The following ADAM22 variants were observed in gnomAD, a reference collection of about 807,000 sequenced individuals.
ADAM22 encodes the protein ADAM metallopeptidase domain 22.
In ADAM22, 65 loss-of-function variants were observed where a neutral mutation model predicts 144.6. The observed-to-expected ratio is 0.45, with a 90% CI of 0.37 to 0.55. The LOEUF (loss-of-function observed/expected upper bound fraction) is 0.55, where lower values mean the gene tolerates loss of function less well. Among genes scored for constraint, ADAM22 ranks in the 20% least tolerant of loss-of-function variants. The pLI is 0.00. For missense variants in ADAM22, 974 were observed against 1,184.9 expected, an observed-to-expected ratio of 0.82 and a Z score of 2.61; for synonymous variants, 391 against 412.6, an observed-to-expected ratio of 0.95 and a Z score of 0.63.
intron 7 of ADAM22, among the ~76,000 whole-genome samples, chr7:88,119,051 A>G (rs1828567078): frequency 6.6e-6 from 1 of 152,250 alleles, no homozygotes; most frequent in South Asian, 2.1e-4. Context: ...CCAGCGATAG[A>G]CATAGGATCA....
chr7:88,133,810 GA>G (rs1832389688), intron 12 of ADAM22, among the ~76,000 whole-genome samples: 1 of 152,152 alleles, frequency 6.6e-6, no homozygotes, highest in Non-Finnish European at 1.5e-5. Context: ...GCTGCAAATT[GA>G]AAAAGATATC....
chr7:88,114,627 G>A lies in ADAM22; in HGVS notation c.517G>A (p.Glu173Lys). 1.2e-6 allele frequency: 2 copies of A among 1,613,942 alleles called. No individual in the cohort carries two copies. Among genetic ancestry groups the A allele is most frequent in the Non-Finnish European group, 8.5e-7 (1 of 1,179,874 alleles). The change falls in exon 6 of 32, where the codon GAA becomes AAA. Residue 173 changes from glutamate to lysine, a missense_variant. Physicochemically the swap from Glu to Lys is moderately conservative, Grantham distance 56. Around this residue, in one of 2 missense-constraint regions of ADAM22, gnomAD observed 240 missense variants for 234.3 expected, o/e 1.02. Transcript: ENST00000413139. ...GAACCACACATATCTCATTGAGCCA[G>A]AAGAAAATGACACTACTCAAGTAAG... ...DGNHTYLIEPEENDTTQEDFH... is the reference protein window; with the variant it reads ...DGNHTYLIEPKENDTTQEDFH...
chr7:88,125,545 T>A (rs538966063), intron 7 of ADAM22, 44 bp from the exon 8 acceptor site: 1 of 1,450,912 alleles, frequency 6.9e-7, no homozygotes, highest in African/African-American at 1.4e-5. Context: ...ATTGAAGAAA[T>A]CTGACAAATG....
rs1826858985 is a variant in ADAM22 at position 88,113,708 on chromosome 7, ATATATATATATATATATAT to A, written c.474-875_474-857del. The stretch of plus-strand genomic sequence containing the variant: ...ATATTATAAATAAATAAATAAATAT[ATATATATATATATATATAT>A]ATATATATATATAGTAAGTCCTAGA... On this transcript the variant is annotated intron_variant, in intron 5 of 31. Transcript: ENST00000413139. 1.4e-3 allele frequency among the ~76,000 whole-genome samples: 130 copies of A among 93,730 alleles called. 7 individuals are homozygous for A. Among genetic ancestry groups the A allele is most frequent in the African/African-American group, 5.7e-3 (123 of 21,740 alleles). 61.5% of individuals were successfully genotyped at this position (93,730 alleles called of 152,430 possible).
At chr7:88,035,274 A>C (rs1170168600) in intron 3 of ADAM22, among the ~76,000 whole-genome samples, 1 of 152,240 alleles carries the variant, frequency 6.6e-6, no homozygotes. Flanking sequence ...TTCACTTATT[A>C]ATATATACAA....
intron 6 of ADAM22, 65 bp from the exon 7 acceptor site, chr7:88,116,680 G>A: frequency 2.9e-6 from 4 of 1,360,934 alleles, no homozygotes; most frequent in Non-Finnish European, 4.2e-6. Flanking sequence ...CTCCAGCTAT[G>A]TTTGCCTAAG....
chr7:88,056,908 A>G (rs1021022202), intron 3 of ADAM22, among the ~76,000 whole-genome samples: 2 of 152,120 alleles, frequency 1.3e-5, no homozygotes, highest in Non-Finnish European at 2.9e-5. Context: ...CTTTCCATTT[A>G]TTATTTATTT....
intron 2 of ADAM22, among the ~76,000 whole-genome samples, chr7:87,951,026 AG>A (rs1330527380): frequency 6.6e-6 from 1 of 152,096 alleles, no homozygotes; most frequent in African/African-American, 2.4e-5. Flanking sequence ...TTCATTGTCG[AG>A]TCTAGATATT....
chr7:87,967,360 G>C (rs931300873), intron 2 of ADAM22, among the ~76,000 whole-genome samples: 3 of 152,126 alleles, frequency 2.0e-5, no homozygotes, highest in African/African-American at 7.2e-5. Context: ...ACATGAAGTA[G>C]CTCTTTAAAA....
chr7:87,944,306 T>C lies in ADAM22; in HGVS notation c.246+9120T>C, dbSNP rs1025627211. 2.6e-4 allele frequency among the ~76,000 whole-genome samples: 40 copies of C among 152,168 alleles called. 1 individual carries two copies. Among genetic ancestry groups the C allele is most frequent in the Non-Finnish European group, 5.1e-4 (35 of 68,036 alleles). On this transcript the variant is annotated intron_variant, in intron 2 of 31. Transcript: ENST00000413139. ...ACACAATTTGCTGGTACACACAATTTGGTCATTGCTCAAGCTTTTTTCTCT... is the reference window on the plus strand; with the variant it reads ...ACACAATTTGCTGGTACACACAATTCGGTCATTGCTCAAGCTTTTTTCTCT...
chr7:88,061,141 A>G (rs1809743238), intron 3 of ADAM22, among the ~76,000 whole-genome samples: 2 of 152,090 alleles, frequency 1.3e-5, no homozygotes, highest in African/African-American at 4.8e-5. Context: ...AGATTTGATC[A>G]TGAAATGTAG....
chr7:87,994,570 G>A lies in ADAM22; in HGVS notation c.323+16158G>A, dbSNP rs565222737. On this transcript the variant is annotated intron_variant, in intron 3 of 31. Coordinates refer to ENST00000413139, the MANE Select transcript of ADAM22 (RefSeq NM_001324418.2). ...TTTTTCCCTTTCTGGATCTAATTTT[G>A]ATGTGGGTCTAATTCATATCTCTTC... Among the ~76,000 whole-genome samples the A allele has an allele frequency of 1.5e-3, 235 of 151,974 alleles. 1 individual carries two copies. Among genetic ancestry groups the A allele is most frequent in the Non-Finnish European group, 2.3e-3 (155 of 67,972 alleles).
At chr7:88,166,038 A>G (rs1404000702) in intron 24 of ADAM22, 92 bp downstream of exon 24, 1 of 801,594 alleles carries the variant, frequency 1.2e-6, no homozygotes, top group African/African-American at 1.8e-5. Flanking sequence ...TTTTATGATA[A>G]TCAGAAATAC....
intron 3 of ADAM22, among the ~76,000 whole-genome samples, chr7:88,008,509 A>T (rs1794542497): frequency 6.6e-6 from 1 of 152,238 alleles, no homozygotes; most frequent in South Asian, 2.1e-4. Flanking sequence ...GCAAATGTCC[A>T]ACAATGATAG....
chr7:87,968,405 G>A (rs745395712), intron 2 of ADAM22, among the ~76,000 whole-genome samples: 1 of 152,156 alleles, frequency 6.6e-6, no homozygotes, highest in Non-Finnish European at 1.5e-5. Context: ...GGGTGTGGTG[G>A]CTCATGCTTG....
At chr7:88,135,831 A>C in intron 13 of ADAM22, 149 bp from the exon 14 acceptor site, 1 of 557,418 alleles carries the variant, frequency 1.8e-6, no homozygotes, top group East Asian at 3.3e-5. Flanking sequence ...TTACATAAAA[A>C]AACTATTGTA....
At chr7:88,131,682 T>C (rs373775409) in intron 11 of ADAM22, 2 of 520,258 alleles carry the variant, frequency 3.8e-6, no homozygotes, top group East Asian at 2.9e-5. Flanking sequence ...GAGCATTTAC[T>C]GAGTAAAAAT....
At chr7:88,057,633 G>A (rs1489011239) in intron 3 of ADAM22, among the ~76,000 whole-genome samples, 1 of 152,118 alleles carries the variant, frequency 6.6e-6, no homozygotes, top group African/African-American at 2.4e-5. Context: ...CTGGTATTGT[G>A]AAAACACAAA....
In ADAM22 at chr7:88,156,644, A is replaced by G. The variant is rs1037645889; in HGVS notation, c.1907+638A>G. ...GGGGCTGAAATACAGAAAATAGATG[A>G]AAGGCTGTTAAAAAAGCAGTTAGAT... On this transcript the variant is annotated intron_variant, in intron 22 of 31. Transcript: ENST00000413139. Among the ~76,000 whole-genome samples the G allele has an allele frequency of 1.0e-3, 157 of 152,116 alleles. 1 individual carries two copies. The highest frequency in any genetic ancestry group is 3.6e-3 in the African/African-American group (149 of 41,498).
Sources: allele counts gnomAD v4.1 joint callset (sites outside exome capture counted in the v4.1 genomes callset), GRCh38; gene constraint gnomAD v4.1.1; regional missense constraint gnomAD v4.1.1; transcripts MANE v1.5; gene names NCBI Gene and HGNC (gene_info 2026-07-23, HGNC 2026-07-21).